The following NBAS variants were observed in gnomAD, a reference collection of about 807,000 sequenced individuals.
NBAS encodes the protein NBAS subunit of NRZ tethering complex.
Under a neutral mutation model 302.5 loss-of-function variants are expected in NBAS, and 219 were observed. The observed-to-expected ratio is 0.72, with a 90% CI of 0.65 to 0.81. The LOEUF (loss-of-function observed/expected upper bound fraction) is 0.81. Ranked by LOEUF, NBAS falls within the 30% of genes least tolerant of loss-of-function variation. NBAS has a pLI of 0.00. For synonymous variants in NBAS, 1,118 were observed against 1,021.6 expected, an observed-to-expected ratio of 1.09 and a Z score of -1.80; for missense variants, 2,932 against 2,841.6, an observed-to-expected ratio of 1.03 and a Z score of -0.72.
chr2:15,313,351 C>A (rs564505900), intron 38 of NBAS, among the ~76,000 whole-genome samples: 1 of 152,162 alleles, frequency 6.6e-6, no homozygotes, highest in African/African-American at 2.4e-5. Context: ...TATCACTTAG[C>A]TCTATGTGTC....
the NBAS span, among the ~76,000 whole-genome samples, chr2:15,045,582 T>C: frequency 1.3e-5 from 2 of 152,230 alleles, no homozygotes; most frequent in East Asian, 3.8e-4. Flanking sequence ...CCATTGTATA[T>C]ATACATCACA....
intron 41 of NBAS, among the ~76,000 whole-genome samples, chr2:15,290,276 T>G (rs766657369): frequency 6.6e-6 from 1 of 152,128 alleles, no homozygotes; most frequent in Non-Finnish European, 1.5e-5. Context: ...AGCTCCACAG[T>G]AGAAGAGGAA....
intron 38 of NBAS, among the ~76,000 whole-genome samples, chr2:15,316,577 C>A (rs1044842930): frequency 6.6e-6 from 1 of 152,266 alleles, no homozygotes; most frequent in African/African-American, 2.4e-5. Context: ...ATTCTCTCAC[C>A]TGCCTGGCTC....
chr2:15,059,820 T>A, the NBAS span, among the ~76,000 whole-genome samples: 1 of 151,992 alleles, frequency 6.6e-6, no homozygotes, highest in African/African-American at 2.4e-5. Flanking sequence ...AAAGAGGAGA[T>A]TTCAGCTCAG....
At chr2:15,138,379 T>G in the NBAS span, among the ~76,000 whole-genome samples, 45,806 of 151,978 alleles carry the variant, frequency 0.3, 7,002 homozygotes, top group African/African-American at 0.36. Flanking sequence ...GTTATGATGC[T>G]TGGAACGGAG....
chr2:15,470,768 T>A (rs953851605), intron 16 of NBAS, among the ~76,000 whole-genome samples: 14 of 152,194 alleles, frequency 9.2e-5, no homozygotes, highest in Non-Finnish European at 1.9e-4. Flanking sequence ...CGGCCAGTTA[T>A]TTTTAATATG....
At chr2:15,432,406 C>T (rs541230738) in intron 21 of NBAS, among the ~76,000 whole-genome samples, 88 of 152,048 alleles carry the variant, frequency 5.8e-4, no homozygotes, top group Admixed American at 5.9e-4. Flanking sequence ...CAATAAACTA[C>T]GCTGGCTTTC....
Position 15,397,489 on chromosome 2 carries a change from TG to T in NBAS, c.3072-1015del, listed in dbSNP as rs200415953. On this transcript the variant is annotated intron_variant, in intron 26 of 51. Coordinates refer to ENST00000281513, the MANE Select transcript of NBAS (RefSeq NM_015909.4). Reference sequence around the variant, plus strand: ...CAGCACCCGCAGGTCAAAATTGGCGTGGGGGTGTTCGGTCCTTGCAGGCTTC... The same window carrying T: ...CAGCACCCGCAGGTCAAAATTGGCGTGGGGTGTTCGGTCCTTGCAGGCTTC... 3.6e-3 allele frequency: 1,943 copies of T among 545,276 alleles called. 31 individuals are homozygous for T. The highest frequency in any genetic ancestry group is 0.022 in the African/African-American group (1,148 of 51,616). The allele number at this position is 545,276 out of a possible 1,614,324, so 33.8% of individuals were successfully genotyped here.
At chr2:14,906,775 C>T in the NBAS span, among the ~76,000 whole-genome samples, 4 of 152,190 alleles carry the variant, frequency 2.6e-5, no homozygotes, top group South Asian at 2.1e-4. Flanking sequence ...GCTCAGTCCT[C>T]AACGTGGAGA....
chr2:15,084,102 A>T, the NBAS span, among the ~76,000 whole-genome samples: 1 of 150,938 alleles, frequency 6.6e-6, no homozygotes, highest in African/African-American at 2.4e-5. Flanking sequence ...CCCAGGCTGC[A>T]GTGTAGTGGC....
chr2:15,233,103 C>T (rs1047682484), intron 46 of NBAS, among the ~76,000 whole-genome samples: 6 of 152,112 alleles, frequency 3.9e-5, no homozygotes, highest in South Asian at 2.1e-4. Context: ...CTGCCAGATT[C>T]GGTTCCTTTC....
chr2:15,334,034 G>A (rs1672468790), intron 35 of NBAS, among the ~76,000 whole-genome samples: 1 of 152,046 alleles, frequency 6.6e-6, no homozygotes, highest in African/African-American at 2.4e-5. Flanking sequence ...TGAGCTAAGT[G>A]TTTCATACAA....
chr2:15,227,504 A>G (rs1373696116), intron 47 of NBAS, among the ~76,000 whole-genome samples: 1 of 152,154 alleles, frequency 6.6e-6, no homozygotes, highest in African/African-American at 2.4e-5. Flanking sequence ...AAAAAATCTT[A>G]AAATTCATAT....
the NBAS span, among the ~76,000 whole-genome samples, chr2:14,784,401 G>A: frequency 6.6e-6 from 1 of 152,316 alleles, no homozygotes; most frequent in Non-Finnish European, 1.5e-5. Context: ...CCATGCCTAT[G>A]TCCTGAATGG....
the NBAS span, among the ~76,000 whole-genome samples, chr2:14,857,033 G>T: frequency 6.6e-6 from 1 of 151,982 alleles, no homozygotes; most frequent in Admixed American, 6.6e-5. Context: ...AACAATATGA[G>T]AAATAAATTA....
intron 7 of NBAS, 85 bp downstream of exon 7, chr2:15,539,138 C>A: frequency 6.6e-7 from 1 of 1,526,678 alleles, no homozygotes; most frequent in South Asian, 1.1e-5. Flanking sequence ...TTTGTATTAT[C>A]CCCCCCTTCA....
chr2:15,334,333 G>A (rs1435793213), intron 35 of NBAS, among the ~76,000 whole-genome samples: 1 of 152,032 alleles, frequency 6.6e-6, no homozygotes, highest in Non-Finnish European at 1.5e-5. Context: ...GGGACTACAG[G>A]TGCCCACCAC....
At chr2:15,019,587 T>A in the NBAS span, among the ~76,000 whole-genome samples, 1 of 152,148 alleles carries the variant, frequency 6.6e-6, no homozygotes, top group East Asian at 1.9e-4. Context: ...AATCAATATA[T>A]CATCTTATTT....
chr2:15,375,247 A>T (rs11885852), intron 30 of NBAS, among the ~76,000 whole-genome samples: 1 of 151,546 alleles, frequency 6.6e-6, no homozygotes, highest in Admixed American at 6.6e-5. Flanking sequence ...TCTGAGATGA[A>T]CCATAGGAGA....
Sources: gnomAD v4.1 joint callset for allele counts (sites outside exome capture counted in the v4.1 genomes callset) on GRCh38, gnomAD v4.1.1 for gene constraint, MANE v1.5 for transcripts, NCBI Gene and HGNC (gene_info 2026-07-23, HGNC 2026-07-21) for gene names.